The following DCAF6 variants were observed in gnomAD, a reference collection of about 807,000 sequenced individuals.
The protein encoded by DCAF6 is DDB1 and CUL4 associated factor 6.
DCAF6 carries 54 observed loss-of-function variants against 125.1 expected under a neutral mutation model. The observed-to-expected ratio is 0.43, with a 90% CI of 0.35 to 0.54. The LOEUF is 0.54. DCAF6 is among the 20% of genes least tolerant of loss of function. DCAF6 has a pLI of 0.01. For synonymous variants in DCAF6, 371 were observed against 390.4 expected, an observed-to-expected ratio of 0.95 and a Z score of 0.58; for missense variants, 934 against 1,161.7, an observed-to-expected ratio of 0.80 and a Z score of 2.85.
At chr1:168,037,766 G>A (rs9970931) in intron 12 of DCAF6, among the ~76,000 whole-genome samples, 2,776 of 152,128 alleles carry the variant, frequency 0.018, 77 homozygotes, top group African/African-American at 0.063. Flanking sequence ...GAAGAGAAAC[G>A]GAAATATACC....
the DCAF6 span, chr1:167,920,073 A>C: frequency 1.4e-5 from 23 of 1,610,254 alleles, no homozygotes; most frequent in Non-Finnish European, 1.9e-5. Flanking sequence ...ACAAGTGAGT[A>C]TCTTGACCAA....
chr1:167,880,670 C>T, the DCAF6 span: 1 of 1,295,684 alleles, frequency 7.7e-7, no homozygotes, highest in African/African-American at 1.5e-5. Flanking sequence ...CTGGACTGGC[C>T]AGAAGGCTCA....
the DCAF6 span, among the ~76,000 whole-genome samples, chr1:167,910,571 T>C: frequency 1.4e-4 from 21 of 152,090 alleles, no homozygotes; most frequent in African/African-American, 4.6e-4. Flanking sequence ...AGGTAGAAAT[T>C]TGGTTTGGGT....
the DCAF6 span, chr1:167,899,419 C>A: frequency 6.2e-7 from 1 of 1,614,104 alleles, no homozygotes. Flanking sequence ...AGCATCACAC[C>A]CACCTTAACT....
chr1:167,909,446 C>T, the DCAF6 span, among the ~76,000 whole-genome samples: 5 of 152,184 alleles, frequency 3.3e-5, no homozygotes, highest in Admixed American at 1.3e-4. Context: ...AACTTTAGTA[C>T]AGGCTTGTCC....
chr1:167,883,333 C>A, the DCAF6 span: 4 of 1,340,772 alleles, frequency 3.0e-6, no homozygotes. Context: ...CCACCACGCC[C>A]AGCCTCTAGG....
At chr1:168,044,495 T>A in intron 14 of DCAF6, 90 bp from the exon 15 acceptor site, 2 of 817,502 alleles carry the variant, frequency 2.4e-6, no homozygotes, top group South Asian at 2.9e-5. Context: ...ATGAGGGACT[T>A]GAGGAGCTGC....
intron 10 of DCAF6, among the ~76,000 whole-genome samples, chr1:168,013,272 T>G (rs7523124): frequency 0.022 from 3,316 of 152,308 alleles, 51 homozygotes; most frequent in Non-Finnish European, 0.03. Flanking sequence ...GAGTATGATG[T>G]TATGAGTTAT....
chr1:168,015,813 C>G lies in DCAF6; in HGVS notation c.1411C>G (p.Arg471Gly). The G allele has an allele frequency of 6.6e-7, 1 of 1,526,630 alleles. No individual in the cohort carries two copies. Among genetic ancestry groups the G allele is most frequent in the Non-Finnish European group, 8.8e-7 (1 of 1,133,920 alleles). 94.6% of individuals were successfully genotyped at this position (1,526,630 alleles called of 1,614,324 possible). Residue 471 changes from arginine (R) to glycine (G), a missense_variant, in exon 11 of 22, where the codon CGT becomes GGT. Arg to Gly is a moderately radical substitution (Grantham distance 125). Around this residue, in one of 5 missense-constraint regions of DCAF6, gnomAD observed 559 missense variants for 635.5 expected, o/e 0.88. Coordinates refer to ENST00000367840, the MANE Select transcript of DCAF6 (RefSeq NM_001198956.2). Reference sequence around the variant, plus strand: ...AAGGGGCCCTGAGATAGCTTTGCTTCGTAAGCGCCTGCAACAACTGAGGCT... The same window carrying G: ...AAGGGGCCCTGAGATAGCTTTGCTTGGTAAGCGCCTGCAACAACTGAGGCT... ...FLRGPEIALLRKRLQQLRLKK... is the reference protein window; with the variant it reads ...FLRGPEIALLGKRLQQLRLKK...
chr1:168,000,190 A>G (rs1571879037), intron 7 of DCAF6, among the ~76,000 whole-genome samples: 1 of 152,234 alleles, frequency 6.6e-6, no homozygotes, highest in East Asian at 1.9e-4. Flanking sequence ...TACACATAAC[A>G]TTTGTCAATT....
At chr1:167,901,979 C>A in the DCAF6 span, 2 of 1,613,156 alleles carry the variant, frequency 1.2e-6, no homozygotes, top group African/African-American at 1.3e-5. Flanking sequence ...CCTCAGCACT[C>A]CTTTCTTACC....
the DCAF6 span, chr1:167,896,485 A>G: frequency 1.2e-6 from 1 of 869,216 alleles, no homozygotes; most frequent in Non-Finnish European, 2.0e-6. Flanking sequence ...GGTAAGGACC[A>G]GGAGCTGTGT....
At chr1:168,033,389 C>G (rs898137286) in intron 12 of DCAF6, among the ~76,000 whole-genome samples, 1 of 149,814 alleles carries the variant, frequency 6.7e-6, no homozygotes, top group Non-Finnish European at 1.5e-5. Flanking sequence ...AATCTCGGCT[C>G]ACTGCAAGCT....
chr1:168,054,157 C>T (rs960087922), intron 17 of DCAF6, among the ~76,000 whole-genome samples: 2 of 152,144 alleles, frequency 1.3e-5, no homozygotes, highest in African/African-American at 4.8e-5. Context: ...CTAATAGTAT[C>T]TTAGTTCATT....
intron 4 of DCAF6, among the ~76,000 whole-genome samples, chr1:167,977,757 C>G (rs1299183934): frequency 6.6e-6 from 1 of 152,012 alleles, no homozygotes; most frequent in Non-Finnish European, 1.5e-5. Context: ...AGACCTTATT[C>G]CATCCACTAT....
intron 14 of DCAF6, 75 bp downstream of exon 14, chr1:168,043,215 T>G: frequency 9.2e-7 from 1 of 1,085,864 alleles, no homozygotes. Context: ...TTCCCTTCGA[T>G]GCTGTATTTT....
intron 21 of DCAF6, among the ~76,000 whole-genome samples, chr1:168,070,144 A>T: frequency 6.6e-6 from 1 of 152,278 alleles, no homozygotes; most frequent in South Asian, 2.1e-4. Flanking sequence ...GGTGTTTTAT[A>T]ATATAAAAAT....
At chr1:167,920,371 C>T in the DCAF6 span, among the ~76,000 whole-genome samples, 5 of 152,288 alleles carry the variant, frequency 3.3e-5, no homozygotes, top group East Asian at 1.9e-4. Flanking sequence ...CATTCAGATA[C>T]TTATTCTTTC....
chr1:168,051,086 C>G (rs1689866754), intron 17 of DCAF6, among the ~76,000 whole-genome samples, 153 bp downstream of exon 17: 1 of 152,150 alleles, frequency 6.6e-6, no homozygotes, highest in Non-Finnish European at 1.5e-5. Context: ...GGTCGCTTTC[C>G]ACAAACTATA....
Sources: gnomAD v4.1 joint callset for allele counts (sites outside exome capture counted in the v4.1 genomes callset) on GRCh38, gnomAD v4.1.1 for gene constraint, gnomAD v4.1.1 regional missense constraint, MANE v1.5 for transcripts, NCBI Gene and HGNC (gene_info 2026-07-23, HGNC 2026-07-21) for gene names.